The following ASIC2 variants were observed in gnomAD, a reference collection of about 807,000 sequenced individuals.
ASIC2 encodes the protein acid-sensing ion channel 2.
ASIC2 carries 25 observed loss-of-function variants against 57.3 expected under a neutral mutation model. The observed-to-expected ratio is 0.44, with a 90% CI of 0.32 to 0.61. The LOEUF (loss-of-function observed/expected upper bound fraction) is 0.61. ASIC2 is among the 20% of genes least tolerant of loss of function. The pLI is 0.06. For missense variants in ASIC2, 641 were observed against 738.1 expected (o/e 0.87, Z 1.52); for synonymous variants, 319 against 307.5 (o/e 1.04, Z -0.39).
chr17:33,361,356 G>A (rs1908600115), intron 1 of ASIC2, among the ~76,000 whole-genome samples: 1 of 152,200 alleles, frequency 6.6e-6, no homozygotes, highest in Non-Finnish European at 1.5e-5. Context: ...CTGAGGCAGA[G>A]TGACGAGAAG....
At chr17:33,287,195 C>A (rs762212565) in intron 1 of ASIC2, among the ~76,000 whole-genome samples, 1 of 152,156 alleles carries the variant, frequency 6.6e-6, no homozygotes, top group Admixed American at 6.5e-5. Flanking sequence ...CTCAGATCTC[C>A]GAGGCAGGAA....
At chr17:33,700,712 G>T (rs1339740864) in intron 1 of ASIC2, among the ~76,000 whole-genome samples, 2 of 152,182 alleles carry the variant, frequency 1.3e-5, no homozygotes, top group Admixed American at 6.5e-5. Context: ...CATGGAGGAA[G>T]GGAAAACAAA....
intron 1 of ASIC2, among the ~76,000 whole-genome samples, chr17:33,368,483 T>A (rs943945596): frequency 6.6e-5 from 10 of 152,206 alleles, no homozygotes; most frequent in Non-Finnish European, 1.5e-4. Flanking sequence ...TTATTTGAAT[T>A]CCTGACCCAA....
chr17:33,314,466 G>A (rs895558355), intron 1 of ASIC2, among the ~76,000 whole-genome samples: 8 of 152,144 alleles, frequency 5.3e-5, no homozygotes, highest in Non-Finnish European at 1.0e-4. Context: ...ATCCCTGGTG[G>A]ACAGGGAGAA....
At chr17:33,342,849 C>T (rs537048155) in intron 1 of ASIC2, among the ~76,000 whole-genome samples, 2 of 152,340 alleles carry the variant, frequency 1.3e-5, no homozygotes, top group African/African-American at 2.4e-5. Flanking sequence ...CCCCATGATG[C>T]TGTTCCATCA....
At chr17:34,019,958 C>T (rs1035460786) in intron 1 of ASIC2, among the ~76,000 whole-genome samples, 4 of 152,100 alleles carry the variant, frequency 2.6e-5, no homozygotes, top group African/African-American at 9.7e-5. Context: ...TCTCCAGGTT[C>T]CAAGAGAATA....
chr17:33,659,598 C>T (rs977164143), intron 1 of ASIC2, among the ~76,000 whole-genome samples: 3 of 152,154 alleles, frequency 2.0e-5, no homozygotes, highest in South Asian at 2.1e-4. Context: ...TGGCGGGGCG[C>T]GGTGGCTCAC....
Position 33,107,365 on chromosome 17 carries a change from T to C in ASIC2, c.859+4552A>G, listed in dbSNP as rs550316021. Reference sequence around the variant, plus strand: ...CTTGGAGATTCATGATGTATTATATTAAAGAATTCCTGCAATGAATAAATG... The same window carrying C: ...CTTGGAGATTCATGATGTATTATATCAAAGAATTCCTGCAATGAATAAATG... On this transcript the variant is annotated intron_variant, in intron 2 of 9. Transcript: ENST00000225823. Among the ~76,000 whole-genome samples the C allele has an allele frequency of 2.6e-5, 4 of 152,330 alleles. No homozygotes were observed. The East Asian group carries it at 7.7e-4, about 29-fold the overall frequency.
At chr17:33,906,815 G>C (rs376610191) in intron 1 of ASIC2, among the ~76,000 whole-genome samples, 1 of 152,186 alleles carries the variant, frequency 6.6e-6, no homozygotes, top group Non-Finnish European at 1.5e-5. Flanking sequence ...TCTTAACGAG[G>C]AGGCTGAGCT....
At chr17:33,253,114 T>C (rs564476945) in intron 1 of ASIC2, among the ~76,000 whole-genome samples, 10 of 152,346 alleles carry the variant, frequency 6.6e-5, no homozygotes, top group Admixed American at 6.5e-4. Flanking sequence ...CCCTATAAGA[T>C]AGTTATCACA....
chr17:33,068,781 C>CA (rs542839312), intron 3 of ASIC2, among the ~76,000 whole-genome samples: 101 of 151,942 alleles, frequency 6.6e-4, no homozygotes, highest in African/African-American at 2.4e-3. Context: ...TTATTAATAT[C>CA]AAAAAAAATC....
intron 1 of ASIC2, among the ~76,000 whole-genome samples, chr17:33,484,088 C>G (rs1182109592): frequency 6.6e-6 from 1 of 152,208 alleles, no homozygotes; most frequent in African/African-American, 2.4e-5. Context: ...TAGGAAGAAA[C>G]AGCCCTGCTA....
At chr17:33,711,291 G>T (rs1209161247) in intron 1 of ASIC2, among the ~76,000 whole-genome samples, 1 of 152,148 alleles carries the variant, frequency 6.6e-6, no homozygotes, top group Non-Finnish European at 1.5e-5. Context: ...TGTTCAACCT[G>T]CTGAAATGTC....
At chr17:33,154,587 C>T (rs571900129) in intron 1 of ASIC2, among the ~76,000 whole-genome samples, 10 of 152,226 alleles carry the variant, frequency 6.6e-5, no homozygotes, top group South Asian at 4.2e-4. Flanking sequence ...GTAGCCATGC[C>T]GGAATGAAAC....
intron 1 of ASIC2, among the ~76,000 whole-genome samples, chr17:33,206,760 T>C (rs568780818): frequency 6.6e-6 from 1 of 152,182 alleles, no homozygotes; most frequent in South Asian, 2.1e-4. Flanking sequence ...ACCTCTAGAT[T>C]GGAGAAGCTG....
chr17:33,979,030 G>A (rs1375981979), intron 1 of ASIC2, among the ~76,000 whole-genome samples: 1 of 152,132 alleles, frequency 6.6e-6, no homozygotes, highest in African/African-American at 2.4e-5. Context: ...TACATGTAAG[G>A]TGTCGGGCAG....
At chr17:33,102,543 A>G (rs2092215945) in intron 2 of ASIC2, among the ~76,000 whole-genome samples, 2 of 152,124 alleles carry the variant, frequency 1.3e-5, no homozygotes, top group Admixed American at 6.5e-5. Context: ...TTTTTGTTAT[A>G]TTAGTCCTTT....
At chr17:33,478,063 G>A (rs1043736204) in intron 1 of ASIC2, among the ~76,000 whole-genome samples, 2 of 152,182 alleles carry the variant, frequency 1.3e-5, no homozygotes, top group Admixed American at 6.5e-5. Flanking sequence ...TTTGCCAAAT[G>A]CCTACTGACC....
chr17:33,033,401 A>G (rs750307940), intron 3 of ASIC2, among the ~76,000 whole-genome samples: 1 of 152,028 alleles, frequency 6.6e-6, no homozygotes, highest in Non-Finnish European at 1.5e-5. Flanking sequence ...TGGGCCTCTC[A>G]CTCCAGCAAG....
Sources: allele counts gnomAD v4.1 joint callset (sites outside exome capture counted in the v4.1 genomes callset), GRCh38; gene constraint gnomAD v4.1.1; transcripts MANE v1.5; gene names NCBI Gene and HGNC (gene_info 2026-07-23, HGNC 2026-07-21).